Variants in FAM76B observed in about 807,000 individuals in gnomAD.
FAM76B encodes the protein protein FAM76B.
A neutral mutation model predicts 51.8 loss-of-function variants in FAM76B; 16 were observed. The observed-to-expected ratio is 0.31, with a 90% CI of 0.21 to 0.47. The LOEUF is 0.47. Among genes scored for constraint, FAM76B ranks in the 20% least tolerant of loss-of-function variants. The probability of loss-of-function intolerance (pLI) is 1.00; values close to 1 mark genes in which losing one functional copy is unlikely to be tolerated. For synonymous variants in FAM76B, 166 were observed against 129.5 expected, an observed-to-expected ratio of 1.28 and a Z score of -1.91; for missense variants, 342 against 392.6, an observed-to-expected ratio of 0.87 and a Z score of 1.09.
Position 95,771,515 on chromosome 11 carries a change from T to TC in FAM76B, c.*45dup, listed in dbSNP as rs749750689. 7 of 1,516,598 alleles carry TC rather than the reference T, an allele frequency of 4.6e-6. No individual in the cohort carries two copies. Among genetic ancestry groups the TC allele is most frequent in the Non-Finnish European group, 6.4e-6 (7 of 1,101,494 alleles). 93.9% of individuals were successfully genotyped at this position (1,516,598 alleles called of 1,614,324 possible). On this transcript the variant is annotated 3_prime_UTR_variant, in exon 10 of 10. Coordinates refer to ENST00000358780, the MANE Select transcript of FAM76B (RefSeq NM_144664.5). ...TTTAAGGGCTTCACAGAATTTTTTT[T>TC]CCCCAAATTTACATTGTAAGAAGAA...
rs913546195 is a variant in FAM76B at position 95,769,431 on chromosome 11, C to T, written c.*2130G>A. ...GAAAGGGTTTTAGCCTTGGAATTTACAAAGCTAAATTATTAGACTGTTAAT... is the reference window on the plus strand; with the variant it reads ...GAAAGGGTTTTAGCCTTGGAATTTATAAAGCTAAATTATTAGACTGTTAAT... On this transcript the variant is annotated 3_prime_UTR_variant, in exon 10 of 10. Transcript: ENST00000358780. The T allele has an allele frequency of 6.6e-6, 1 of 152,178 alleles. No homozygotes were observed. The highest frequency in any genetic ancestry group is 6.6e-5 in the Admixed American group (1 of 15,198). 9.4% of individuals were successfully genotyped at this position (152,178 alleles called of 1,614,324 possible). A position where few individuals can be genotyped will look rare whatever the true frequency, so the allele number is the denominator to read the frequency against.
At chr11:95,776,542 C>T (rs1053359001) in intron 8 of FAM76B, among the ~76,000 whole-genome samples, 1 of 151,244 alleles carries the variant, frequency 6.6e-6, no homozygotes, top group Non-Finnish European at 1.5e-5. Context: ...GTACACAATA[C>T]CACCTAACAC....
Position 95,789,532 on chromosome 11 carries a change from G to GGA in FAM76B, c.-56_-55dup, listed in dbSNP as rs1354519654. 2 of 1,524,312 alleles carry GGA rather than the reference G, an allele frequency of 1.3e-6. No individual in the cohort carries two copies. The highest frequency in any genetic ancestry group is 2.8e-5 in the African/African-American group (2 of 71,096). 94.4% of individuals were successfully genotyped at this position (1,524,312 alleles called of 1,614,324 possible). On this transcript the variant is annotated 5_prime_UTR_variant, in exon 1 of 10. Coordinates refer to ENST00000358780, the MANE Select transcript of FAM76B (RefSeq NM_144664.5). ...CGCCCGCTCCGAGGCGGGGCCCTAC[G>GGA]GAGAACCCGAGAGCCGCCGCCGCCC... is the stretch of plus-strand genomic sequence containing the variant.
Position 95,771,270 on chromosome 11 carries a change from T to C in FAM76B, c.*291A>G, listed in dbSNP as rs570661453. 3 of 196,008 alleles carry C rather than the reference T, an allele frequency of 1.5e-5. No homozygotes were observed. Among genetic ancestry groups the C allele is most frequent in the Non-Finnish European group, 3.1e-5 (3 of 95,328 alleles). 12.1% of individuals were successfully genotyped at this position (196,008 alleles called of 1,614,324 possible). On this transcript the variant is annotated 3_prime_UTR_variant, in exon 10 of 10. Transcript: ENST00000358780. ...ACCTACTCTATTATTGCATGTTGCGTTTCATAAAGAGCACTACTCATGCAC... is the reference window on the plus strand; with the variant it reads ...ACCTACTCTATTATTGCATGTTGCGCTTCATAAAGAGCACTACTCATGCAC...
intron 4 of FAM76B, among the ~76,000 whole-genome samples, chr11:95,783,926 T>G (rs1482411847): frequency 6.6e-6 from 1 of 152,212 alleles, no homozygotes; most frequent in Non-Finnish European, 1.5e-5. Flanking sequence ...GTCTGTTTAG[T>G]GCCATGTTTT....
chr11:95,785,483 T>C (rs779823673), intron 4 of FAM76B, among the ~76,000 whole-genome samples: 12 of 152,334 alleles, frequency 7.9e-5, no homozygotes, highest in African/African-American at 2.4e-4. Context: ...ATTCCATCCA[T>C]AGTATTCCAT....
intron 9 of FAM76B, among the ~76,000 whole-genome samples, chr11:95,774,822 C>A (rs1859922633): frequency 6.6e-6 from 1 of 151,234 alleles, no homozygotes; most frequent in African/African-American, 2.4e-5. Context: ...GTCTCAGGTT[C>A]TACATGAGGT....
intron 5 of FAM76B, among the ~76,000 whole-genome samples, chr11:95,780,302 C>G (rs1860199410): frequency 6.6e-6 from 1 of 151,794 alleles, no homozygotes; most frequent in Non-Finnish European, 1.5e-5. Context: ...TAAGGCTTTC[C>G]TAATAATCTG....
Position 95,789,405 on chromosome 11 carries a change from T to C in FAM76B, c.74A>G (p.Gln25Arg). The change falls in exon 1 of 10, where the codon CAG becomes CGG. Residue 25 changes from glutamine (Q) to arginine (R), a missense_variant. By Grantham distance (43) the Gln-to-Arg change is conservative (BLOSUM62 1). Coordinates refer to ENST00000358780, the MANE Select transcript of FAM76B (RefSeq NM_144664.5). Reference protein sequence around the residue: ...RYPFEELSQGQQLCKECRIAH... With the variant: ...RYPFEELSQGRQLCKECRIAH... ...GAGCCCACGGACCTTGCAGAGCTGC[T>C]GGCCCTGGGAGAGCTCCTCGAAAGG... 6.2e-7 allele frequency: 1 copy of C among 1,604,294 alleles called. No individual in the cohort carries two copies. Among genetic ancestry groups the C allele is most frequent in the Non-Finnish European group, 8.5e-7 (1 of 1,175,712 alleles).
intron 5 of FAM76B, among the ~76,000 whole-genome samples, chr11:95,781,528 T>C (rs534818050): frequency 6.6e-6 from 1 of 152,274 alleles, no homozygotes; most frequent in Non-Finnish European, 1.5e-5. Flanking sequence ...TGCTGTCACA[T>C]ACTTTAGTCT....
In FAM76B at chr11:95,776,028, G is replaced by C. The variant is rs768772500; in HGVS notation, c.829-5C>G. ...GTCTGCCTTTAGTTCAGTTAACTGA[G>C]AGATTAAAGAAAAAATATATGTATA... is the stretch of plus-strand genomic sequence containing the variant. On this transcript the variant is annotated splice_polypyrimidine_tract_variant and splice_region_variant and intron_variant, in intron 8 of 9. Coordinates refer to ENST00000358780, the MANE Select transcript of FAM76B (RefSeq NM_144664.5). 6.5e-7 allele frequency: 1 copy of C among 1,539,552 alleles called. No individual in the cohort carries two copies. Among genetic ancestry groups the C allele is most frequent in the East Asian group, 2.3e-5 (1 of 42,814 alleles).
At chr11:95,771,754 T>G in intron 9 of FAM76B, 104 bp from the exon 10 acceptor site, 1 of 855,466 alleles carries the variant, frequency 1.2e-6, no homozygotes. Context: ...TATAAATGTT[T>G]CACTAAAGCA....
chr11:95,783,008 TA>T, intron 5 of FAM76B, 56 bp downstream of exon 5: 2 of 1,594,858 alleles, frequency 1.3e-6, no homozygotes, highest in Non-Finnish European at 1.7e-6. Flanking sequence ...TAAACATCAA[TA>T]AATGGCATTA....
chr11:95,773,458 C>CAAAAAAAAAAAAAAA (rs56008636), intron 9 of FAM76B, among the ~76,000 whole-genome samples: 2 of 127,824 alleles, frequency 1.6e-5, no homozygotes, highest in Non-Finnish European at 3.3e-5. Flanking sequence ...TGCAGCCAGC[C>CAAAAAAAAAAAAAAA]AAAAAAAAAA....
In FAM76B at chr11:95,771,317, T is replaced by C. The variant is rs1859755468; in HGVS notation, c.*244A>G. ...GCACTCCTTTACAACTGTTTAATAC[T>C]ATTGCTGGCAAAAAAGTTCCTGGAT... On this transcript the variant is annotated 3_prime_UTR_variant, in exon 10 of 10. Transcript: ENST00000358780. The C allele has an allele frequency of 4.0e-5, 15 of 373,874 alleles. No homozygotes were observed. Among genetic ancestry groups the C allele is most frequent in the South Asian group, 3.5e-4 (14 of 39,694 alleles). 23.2% of individuals were successfully genotyped at this position (373,874 alleles called of 1,614,324 possible).
chr11:95,778,796 C>T, intron 8 of FAM76B, 26 bp downstream of exon 8: 1 of 1,571,238 alleles, frequency 6.4e-7, no homozygotes, highest in Non-Finnish European at 8.6e-7. Flanking sequence ...TAACTCTTAC[C>T]AGGCTTCAAT....
intron 8 of FAM76B, among the ~76,000 whole-genome samples, chr11:95,776,413 C>T (rs918067797): frequency 3.4e-4 from 52 of 151,424 alleles, no homozygotes; most frequent in Admixed American, 2.6e-3. Flanking sequence ...CTAGCTTATG[C>T]GTAAAATAAT....
At chr11:95,784,139 A>T (rs1359150820) in intron 4 of FAM76B, among the ~76,000 whole-genome samples, 1 of 152,160 alleles carries the variant, frequency 6.6e-6, no homozygotes, top group Non-Finnish European at 1.5e-5. Context: ...CCCTTCCAGG[A>T]ATATGGATGG....
chr11:95,773,925 T>C (rs1008922009), intron 9 of FAM76B, among the ~76,000 whole-genome samples: 8 of 151,216 alleles, frequency 5.3e-5, no homozygotes, highest in African/African-American at 1.9e-4. Flanking sequence ...TAGAGCAAGA[T>C]CCATCTTGTG....
Sources: gnomAD v4.1 joint callset for allele counts (sites outside exome capture counted in the v4.1 genomes callset) on GRCh38, gnomAD v4.1.1 for gene constraint, MANE v1.5 for transcripts, NCBI Gene and HGNC (gene_info 2026-07-23, HGNC 2026-07-21) for gene names.